Variants in PRKN observed in about 807,000 individuals in gnomAD.
PRKN encodes E3 ubiquitin-protein ligase parkin.
PRKN carries 56 observed loss-of-function variants against 59.5 expected under a neutral mutation model. The observed-to-expected ratio is 0.94, with a 90% CI of 0.76 to 1.18. The LOEUF (loss-of-function observed/expected upper bound fraction) is 1.18. PRKN is among the 50% of genes most tolerant of loss of function. The pLI, the probability that PRKN is intolerant of heterozygous loss-of-function variation, is 0.00. For synonymous variants in PRKN, 250 were observed against 222.1 expected (o/e 1.13, Z -1.12); for missense variants, 657 against 596.4 (o/e 1.10, Z -1.06).
At chr6:161,635,841 T>A (rs1031399241) in intron 7 of PRKN, among the ~76,000 whole-genome samples, 2 of 152,284 alleles carry the variant, frequency 1.3e-5, no homozygotes, top group African/African-American at 4.8e-5. Context: ...CCCTAGACAA[T>A]CCTGAAAGAG....
At chr6:162,346,005 G>A (rs1468627814) in intron 2 of PRKN, among the ~76,000 whole-genome samples, 1 of 152,086 alleles carries the variant, frequency 6.6e-6, no homozygotes, top group Non-Finnish European at 1.5e-5. Context: ...GATCTTAGCT[G>A]GCATGCTCTT....
rs368799254 is a variant in PRKN, at chr6:162,581,511, G to A, written c.8-138038C>T. ...TGCGGTGGCTCACGCCTGTAATCCC[G>A]GCACTTTGGGAGGGAAAGGCGGGCG... On this transcript the variant is annotated intron_variant, in intron 1 of 11. Coordinates refer to ENST00000366898, the MANE Select transcript of PRKN (RefSeq NM_004562.3). Among the ~76,000 whole-genome samples, 117 of 152,272 alleles carry A rather than the reference G, an allele frequency of 7.7e-4. No individual in the cohort carries two copies. The East Asian group carries it at 0.01, about 13-fold the overall frequency.
Position 161,400,047 on chromosome 6 carries a change from G to C in PRKN, c.1084-13170C>G, listed in dbSNP as rs1786954662. On this transcript the variant is annotated intron_variant, in intron 9 of 11. Coordinates refer to ENST00000366898, the MANE Select transcript of PRKN (RefSeq NM_004562.3). This position sits in a 1 kb window ranked among gnomAD's most constrained non-coding sequence, Gnocchi z 4.2. The stretch of plus-strand genomic sequence containing the variant: ...TACTCTTTCAATGCATCTCAGTTGG[G>C]ACTAGCCCTATTCTATGGGCTCAGG... 6.6e-6 allele frequency among the ~76,000 whole-genome samples: 1 copy of C among 152,000 alleles called. No individual in the cohort carries two copies. Among genetic ancestry groups the C allele is most frequent in the Non-Finnish European group, 1.5e-5 (1 of 68,014 alleles).
In PRKN at chr6:161,545,233, C is replaced by T. The variant is rs145645607; in HGVS notation, c.1083+3621G>A. 2.7e-3 allele frequency: 3,685 copies of T among 1,340,256 alleles called. 84 individuals carry two copies. In the Admixed American group the frequency reaches 0.052, roughly 19 times the overall value. The allele number at this position is 1,340,256 out of a possible 1,614,324, so 83.0% of individuals were successfully genotyped here. A position where few individuals can be genotyped will look rare whatever the true frequency, so the allele number is the denominator to read the frequency against. On this transcript the variant is annotated intron_variant, in intron 9 of 11. Coordinates refer to ENST00000366898, the MANE Select transcript of PRKN (RefSeq NM_004562.3). This position sits in a 1 kb window ranked among gnomAD's most constrained non-coding sequence, Gnocchi z 4.1. ...AATTGAGGGAAAAAAAAATTAAGCA[C>T]GGGTGAATTCACAGGCATCTTACAA...
intron 1 of PRKN, among the ~76,000 whole-genome samples, chr6:162,499,805 C>T (rs9347654): frequency 0.49 from 74,497 of 151,914 alleles, 18,354 homozygotes; most frequent in Middle Eastern, 0.55. Flanking sequence ...CTTAGGGAGA[C>T]ATTCTGTATC....
At chr6:161,872,707 G>A (rs12333051) in intron 6 of PRKN, among the ~76,000 whole-genome samples, 60,075 of 151,740 alleles carry the variant, frequency 0.4, 13,101 homozygotes, top group Middle Eastern at 0.51. Flanking sequence ...TTCACTCCCC[G>A]GCCCTCCCGC....
At chr6:161,707,643 A>G (rs868262047) in intron 7 of PRKN, among the ~76,000 whole-genome samples, 1 of 152,210 alleles carries the variant, frequency 6.6e-6, no homozygotes, top group South Asian at 2.1e-4. Flanking sequence ...TATTAGTGGG[A>G]TAGAGATGTT....
chr6:162,702,673 A>T, intron 1 of PRKN, among the ~76,000 whole-genome samples: 1 of 152,224 alleles, frequency 6.6e-6, no homozygotes, highest in East Asian at 1.9e-4. Context: ...TGCAGGAATA[A>T]AGCAATGTAA....
At chr6:162,458,214 C>G (rs1790985777) in intron 1 of PRKN, among the ~76,000 whole-genome samples, 1 of 134,520 alleles carries the variant, frequency 7.4e-6, no homozygotes, top group South Asian at 2.3e-4. Flanking sequence ...CAAGATCGCT[C>G]CACTGCACTC....
chr6:162,472,645 G>C (rs1165623743), intron 1 of PRKN, among the ~76,000 whole-genome samples: 1 of 124,966 alleles, frequency 8.0e-6, no homozygotes, highest in Non-Finnish European at 1.7e-5. Flanking sequence ...CCGCCACCAC[G>C]CCCGGCTAAT....
At chr6:161,616,428 A>G (rs896856698) in intron 7 of PRKN, among the ~76,000 whole-genome samples, 11 of 147,966 alleles carry the variant, frequency 7.4e-5, no homozygotes, top group African/African-American at 2.8e-4. Flanking sequence ...TTTTTTAATT[A>G]TACTTTAAGT....
intron 1 of PRKN, among the ~76,000 whole-genome samples, chr6:162,534,415 T>C (rs1366470405): frequency 2.0e-5 from 3 of 152,154 alleles, no homozygotes; most frequent in Non-Finnish European, 4.4e-5. Flanking sequence ...ATCGAAAGCA[T>C]GCTGTGCCTC....
rs193230376 is a variant in PRKN, at chr6:161,637,243, A to T, written c.872-67827T>A. Among the ~76,000 whole-genome samples, 894 of 152,300 alleles carry T rather than the reference A, an allele frequency of 5.9e-3. 18 individuals carry two copies. The highest frequency in any genetic ancestry group is 0.02 in the African/African-American group (829 of 41,564). On this transcript the variant is annotated intron_variant, in intron 7 of 11. Transcript: ENST00000366898. The stretch of plus-strand genomic sequence containing the variant: ...CACCTTGGTGACACCATGCTTCTGC[A>T]CCGCCACTTAAATGTACTAGGTGTG...
chr6:162,359,079 A>AAAAAAAAAAAAAAAAATATATAT (rs57265104), intron 2 of PRKN, among the ~76,000 whole-genome samples: 1 of 83,276 alleles, frequency 1.2e-5, no homozygotes, highest in African/African-American at 7.3e-5. Flanking sequence ...AAAAAAAAAA[A>AAAAAAAAAAAAAAAAATATATAT]ATATATATAT....
intron 6 of PRKN, among the ~76,000 whole-genome samples, chr6:161,914,971 A>G (rs764711641): frequency 2.6e-5 from 4 of 152,156 alleles, no homozygotes; most frequent in Non-Finnish European, 4.4e-5. Context: ...GATATCACTG[A>G]AAATCATGTT....
chr6:162,420,295 G>A lies in PRKN; in HGVS notation c.171+23015C>T, dbSNP rs575014237. Among the ~76,000 whole-genome samples, 4 of 152,174 alleles carry A rather than the reference G, an allele frequency of 2.6e-5. No homozygotes were observed. In the East Asian group the frequency reaches 7.7e-4, roughly 29 times the overall value. On this transcript the variant is annotated intron_variant, in intron 2 of 11. Coordinates refer to ENST00000366898, the MANE Select transcript of PRKN (RefSeq NM_004562.3). ...GGGGACTCCTGGTGTAAAGCATTATGTTTAAAATACCATAGCCTGAGATCA... is the reference window on the plus strand; with the variant it reads ...GGGGACTCCTGGTGTAAAGCATTATATTTAAAATACCATAGCCTGAGATCA...
chr6:161,777,808 GTA>G (rs1790009818), intron 7 of PRKN, among the ~76,000 whole-genome samples: 1 of 133,460 alleles, frequency 7.5e-6, no homozygotes, highest in Non-Finnish European at 1.5e-5. Flanking sequence ...ATGTATATAT[GTA>G]TATATGTGTA....
chr6:161,739,297 A>G (rs1194912726), intron 7 of PRKN, among the ~76,000 whole-genome samples: 1 of 152,144 alleles, frequency 6.6e-6, no homozygotes, highest in Non-Finnish European at 1.5e-5. Flanking sequence ...AATCCCAGCT[A>G]CCAGGGTGGC....
rs886061236 is a variant in PRKN at position 161,349,785 on chromosome 6, G to T, written c.*314C>A. 31 of 487,420 alleles carry T rather than the reference G, an allele frequency of 6.4e-5. No homozygotes were observed. The highest frequency in any genetic ancestry group is 1.2e-4 in the Non-Finnish European group (31 of 263,648). The allele number at this position is 487,420 out of a possible 1,614,324, so 30.2% of individuals were successfully genotyped here. A position where few individuals can be genotyped will look rare whatever the true frequency, so the allele number is the denominator to read the frequency against. On this transcript the variant is annotated 3_prime_UTR_variant, in exon 12 of 12. Transcript: ENST00000366898. This position sits in a 1 kb window ranked among gnomAD's most constrained non-coding sequence, Gnocchi z 5.5. ...GGATTGCACTTGAATCTGTGCTCTG[G>T]TATTTGTGTCATCCGGAGGCTGAGA...
Sources: allele counts gnomAD v4.1 joint callset (sites outside exome capture counted in the v4.1 genomes callset), GRCh38; gene constraint gnomAD v4.1.1; non-coding constraint Gnocchi (gnomAD v3.1); transcripts MANE v1.5; gene names NCBI Gene and HGNC (gene_info 2026-07-23, HGNC 2026-07-21).